The following CDH18 variants were observed in gnomAD, a reference collection of about 807,000 sequenced individuals.
CDH18 encodes the protein cadherin-18.
Under a neutral mutation model 67.9 loss-of-function variants are expected in CDH18, and 31 were observed. That is an observed-to-expected ratio of 0.46 (90% CI 0.34 to 0.62). CDH18 has a LOEUF of 0.62. CDH18 is among the 20% of genes least tolerant of loss of function. CDH18 has a pLI of 0.01. For missense variants in CDH18, 890 were observed against 975.5 expected, an observed-to-expected ratio of 0.91 and a Z score of 1.17; for synonymous variants, 362 against 347.2, an observed-to-expected ratio of 1.04 and a Z score of -0.48.
At chr5:20,428,130 G>C (rs1187100542) in intron 1 of CDH18, among the ~76,000 whole-genome samples, 2 of 150,814 alleles carry the variant, frequency 1.3e-5, no homozygotes, top group Non-Finnish European at 2.9e-5. Context: ...GGTGTGTGAT[G>C]TTCCCCTCCC....
At chr5:20,573,553 CATAA>C (rs1758924799) in intron 1 of CDH18, among the ~76,000 whole-genome samples, 1 of 150,622 alleles carries the variant, frequency 6.6e-6, no homozygotes, top group African/African-American at 2.4e-5. Context: ...AGATTATTTG[CATAA>C]ATAAAATGGA....
At chr5:19,595,741 G>A (rs556532957) in intron 6 of CDH18, among the ~76,000 whole-genome samples, 1 of 152,338 alleles carries the variant, frequency 6.6e-6, no homozygotes, top group South Asian at 2.1e-4. Flanking sequence ...TTTAGTCAAT[G>A]TTCAACAAAT....
chr5:20,510,309 A>G (rs1754952170), intron 1 of CDH18, among the ~76,000 whole-genome samples: 1 of 152,148 alleles, frequency 6.6e-6, no homozygotes, highest in South Asian at 2.1e-4. Flanking sequence ...GATCAGAAAT[A>G]TGATTTATGA....
At chr5:20,547,568 A>G (rs1327964699) in intron 1 of CDH18, among the ~76,000 whole-genome samples, 1 of 151,858 alleles carries the variant, frequency 6.6e-6, no homozygotes, top group Non-Finnish European at 1.5e-5. Flanking sequence ...CAGAAAAAAA[A>G]AAAAAGAATC....
chr5:19,608,278 T>C (rs986968046), intron 6 of CDH18, among the ~76,000 whole-genome samples: 2 of 151,636 alleles, frequency 1.3e-5, no homozygotes, highest in African/African-American at 4.8e-5. Context: ...CGTTTCAAAA[T>C]ATATGCCTAC....
chr5:19,804,891 G>A lies in CDH18; in HGVS notation c.228+33868C>T, dbSNP rs1777873244. ...TCTGAAGATTACTAAGTCTCTTCAG[G>A]AGAAAATAGCCACCTAGGCATAAAA... On this transcript the variant is annotated intron_variant, in intron 3 of 12. Transcript: ENST00000382275. 2.0e-5 allele frequency among the ~76,000 whole-genome samples: 3 copies of A among 151,884 alleles called. No individual in the cohort carries two copies. The South Asian group carries it at 6.2e-4, about 32-fold the overall frequency.
chr5:19,984,422 A>G (rs1234323543), intron 1 of CDH18, among the ~76,000 whole-genome samples: 3 of 152,156 alleles, frequency 2.0e-5, no homozygotes, highest in Admixed American at 1.3e-4. Flanking sequence ...ATTGAGGTGT[A>G]TTCATAATCT....
chr5:19,508,627 A>G (rs1198278283), intron 10 of CDH18, among the ~76,000 whole-genome samples: 3 of 152,112 alleles, frequency 2.0e-5, no homozygotes, highest in Non-Finnish European at 4.4e-5. Context: ...TATTTTTGAT[A>G]TCTACAAATA....
At chr5:19,915,371 G>A (rs1397415294) in intron 2 of CDH18, among the ~76,000 whole-genome samples, 1 of 152,062 alleles carries the variant, frequency 6.6e-6, no homozygotes, top group African/African-American at 2.4e-5. Flanking sequence ...GGGTTGAGGC[G>A]CCAACCCCTG....
intron 2 of CDH18, among the ~76,000 whole-genome samples, chr5:20,089,463 T>A (rs1445570652): frequency 6.6e-6 from 1 of 152,182 alleles, no homozygotes; most frequent in Non-Finnish European, 1.5e-5. Flanking sequence ...TTGAAATATA[T>A]CTGTTTAAAT....
chr5:19,633,310 T>G (rs1173944757), intron 5 of CDH18, among the ~76,000 whole-genome samples: 1 of 152,112 alleles, frequency 6.6e-6, no homozygotes, highest in Non-Finnish European at 1.5e-5. Flanking sequence ...TCCAACAAAT[T>G]AGAAATCACC....
At chr5:19,756,630 C>T (rs938885265) in intron 3 of CDH18, among the ~76,000 whole-genome samples, 1 of 152,124 alleles carries the variant, frequency 6.6e-6, no homozygotes, top group African/African-American at 2.4e-5. Flanking sequence ...GGTCAATCAC[C>T]CCAGCCAACA....
chr5:20,534,873 G>T (rs984197420), intron 1 of CDH18, among the ~76,000 whole-genome samples: 3 of 143,794 alleles, frequency 2.1e-5, no homozygotes, highest in Non-Finnish European at 3.0e-5. Context: ...TCAGGGTCTT[G>T]CTCTGTTGCC....
chr5:19,878,055 GA>G (rs1218259721), intron 2 of CDH18: 1 of 152,056 alleles, frequency 6.6e-6, no homozygotes, highest in African/African-American at 2.4e-5. Context: ...GGTAGTTGTA[GA>G]ACCAAGGGTT....
chr5:19,556,992 G>C (rs1477254629), intron 8 of CDH18, among the ~76,000 whole-genome samples: 2 of 152,012 alleles, frequency 1.3e-5, no homozygotes, highest in African/African-American at 4.8e-5. Context: ...TAACCTGCTT[G>C]AACAAAACAC....
At chr5:19,901,667 T>C (rs1235240287) in intron 2 of CDH18, among the ~76,000 whole-genome samples, 1 of 152,074 alleles carries the variant, frequency 6.6e-6, no homozygotes, top group Non-Finnish European at 1.5e-5. Context: ...AAAGTTGGAA[T>C]ATATTTCCTG....
chr5:20,119,108 A>G (rs536093754), intron 2 of CDH18, among the ~76,000 whole-genome samples: 4 of 152,142 alleles, frequency 2.6e-5, no homozygotes, highest in African/African-American at 9.6e-5. Flanking sequence ...GTGACTTCCC[A>G]CCTCTACTTT....
intron 1 of CDH18, among the ~76,000 whole-genome samples, chr5:20,268,185 T>A (rs1745181776): frequency 6.6e-6 from 1 of 152,218 alleles, no homozygotes; most frequent in South Asian, 2.1e-4. Context: ...ATTTTCTTTA[T>A]CCAATCCATT....
chr5:20,560,381 T>G (rs4866196), intron 1 of CDH18, among the ~76,000 whole-genome samples: 45,251 of 151,292 alleles, frequency 0.3, 7,979 homozygotes, highest in African/African-American at 0.48. Context: ...AAAATTGTGA[T>G]AAAGTAGTAT....
Sources: gnomAD v4.1 joint callset for allele counts (sites outside exome capture counted in the v4.1 genomes callset) on GRCh38, gnomAD v4.1.1 for gene constraint, MANE v1.5 for transcripts, NCBI Gene and HGNC (gene_info 2026-07-23, HGNC 2026-07-21) for gene names.